Variants in ALCAM observed in about 807,000 individuals in gnomAD.
The protein encoded by ALCAM is CD166 antigen.
A neutral mutation model predicts 70.9 loss-of-function variants in ALCAM; 30 were observed. That is an observed-to-expected ratio of 0.42 (90% CI 0.32 to 0.57). The LOEUF is 0.57. Among genes scored for constraint, ALCAM ranks in the 20% least tolerant of loss-of-function variants. The pLI is 0.11. For missense variants in ALCAM, 591 were observed against 695.1 expected (o/e 0.85, Z 1.68); for synonymous variants, 249 against 242.5 (o/e 1.03, Z -0.25).
intron 1 of ALCAM, among the ~76,000 whole-genome samples, chr3:105,445,258 G>A (rs898459773): frequency 6.6e-6 from 1 of 152,064 alleles, no homozygotes. Context: ...GTTTAACCAA[G>A]GAGGTGAAAG....
At chr3:105,403,663 G>A (rs748450944) in intron 1 of ALCAM, among the ~76,000 whole-genome samples, 8 of 151,790 alleles carry the variant, frequency 5.3e-5, no homozygotes, top group South Asian at 2.1e-4. Context: ...CTGGTAATAC[G>A]ACAAAAGAGG....
At chr3:105,499,256 A>G (rs992738092) in intron 1 of ALCAM, among the ~76,000 whole-genome samples, 3 of 152,204 alleles carry the variant, frequency 2.0e-5, no homozygotes, top group Non-Finnish European at 4.4e-5. Flanking sequence ...AAATATACAT[A>G]TGTTTTATAT....
intron 1 of ALCAM, among the ~76,000 whole-genome samples, chr3:105,457,107 G>A (rs1937543790): frequency 6.6e-6 from 1 of 152,062 alleles, no homozygotes; most frequent in South Asian, 2.1e-4. Context: ...ATTTATTTAT[G>A]CTCTGCCTTA....
At chr3:105,441,296 T>C (rs1439731911) in intron 1 of ALCAM, among the ~76,000 whole-genome samples, 1 of 152,186 alleles carries the variant, frequency 6.6e-6, no homozygotes, top group African/African-American at 2.4e-5. Flanking sequence ...TTTAACTATG[T>C]TAACTAAATG....
At chr3:105,481,823 T>C (rs546812273) in intron 1 of ALCAM, among the ~76,000 whole-genome samples, 1 of 152,258 alleles carries the variant, frequency 6.6e-6, no homozygotes, top group African/African-American at 2.4e-5. Flanking sequence ...TATTTCCTAA[T>C]TTTTTCCTTA....
chr3:105,465,702 G>GT (rs1035288450), intron 1 of ALCAM, among the ~76,000 whole-genome samples: 1 of 151,096 alleles, frequency 6.6e-6, no homozygotes, highest in East Asian at 1.9e-4. Context: ...CCTCCTACTG[G>GT]TTTTTTTAAG....
chr3:105,398,037 G>A (rs1293569521), intron 1 of ALCAM, among the ~76,000 whole-genome samples: 4 of 152,152 alleles, frequency 2.6e-5, no homozygotes, highest in Non-Finnish European at 5.9e-5. Context: ...AAACTTGCAC[G>A]TGCCTCTCAA....
chr3:105,441,847 A>G (rs1198262431), intron 1 of ALCAM, among the ~76,000 whole-genome samples: 1 of 152,124 alleles, frequency 6.6e-6, no homozygotes, highest in Non-Finnish European at 1.5e-5. Context: ...AAGAATTTCA[A>G]CTCCACTTAA....
At chr3:105,423,683 A>G (rs1446939735) in intron 1 of ALCAM, among the ~76,000 whole-genome samples, 1 of 151,536 alleles carries the variant, frequency 6.6e-6, no homozygotes, top group African/African-American at 2.4e-5. Flanking sequence ...AAATTTATAC[A>G]CACACATCTG....
At chr3:105,527,875 TCCTAAAAGTCATTCAA>T (rs2152625529) in intron 3 of ALCAM, among the ~76,000 whole-genome samples, 1 of 149,472 alleles carries the variant, frequency 6.7e-6, no homozygotes, top group South Asian at 2.2e-4. Context: ...TTCACCCTCC[TCCTAAAAGTCATTCAA>T]CCTAAAAGTA....
At chr3:105,488,687 A>G (rs2152610125) in intron 1 of ALCAM, among the ~76,000 whole-genome samples, 2 of 144,336 alleles carry the variant, frequency 1.4e-5, no homozygotes, top group Middle Eastern at 6.8e-3. Context: ...GGGAAGGGGA[A>G]GGAAAGGAAA....
At chr3:105,507,697 G>A (rs1939120539) in intron 1 of ALCAM, among the ~76,000 whole-genome samples, 1 of 152,152 alleles carries the variant, frequency 6.6e-6, no homozygotes, top group Non-Finnish European at 1.5e-5. Context: ...AGTTTTAGAA[G>A]TTATAAGTAA....
At position 105,370,729 on chromosome 3, in the gene ALCAM, G is replaced by GA. The variant is rs984726054; in HGVS notation, c.73+3258dup. Among the ~76,000 whole-genome samples the GA allele has an allele frequency of 2.3e-3, 333 of 144,808 alleles. 2 individuals carry two copies. Among genetic ancestry groups the GA allele is most frequent in the Non-Finnish European group, 3.9e-3 (259 of 65,766 alleles). 95.0% of individuals were successfully genotyped at this position (144,808 alleles called of 152,430 possible). A position where few individuals can be genotyped will look rare whatever the true frequency, so the allele number is the denominator to read the frequency against. On this transcript the variant is annotated intron_variant, in intron 1 of 15. Transcript: ENST00000306107. Reference sequence around the variant, plus strand: ...GCTTACTCTTTCCAGCCTTAGTAGGGAAAAAAAAAAGCGTGAAGGAGAGAA... The same window carrying GA: ...GCTTACTCTTTCCAGCCTTAGTAGGGAAAAAAAAAAAGCGTGAAGGAGAGAA...
Position 105,575,254 on chromosome 3 carries a change from C to G in ALCAM, c.*803C>G, listed in dbSNP as rs1369416354. ...AAAAAACACAAGCATGTGTGAGAGA[C>G]AGTTTGGAAAAATCATGGTCAACAT... On this transcript the variant is annotated 3_prime_UTR_variant, in exon 16 of 16. Coordinates refer to ENST00000306107, the MANE Select transcript of ALCAM (RefSeq NM_001627.4). The G allele has an allele frequency of 1.3e-5, 2 of 152,538 alleles. No individual in the cohort carries two copies. Among genetic ancestry groups the G allele is most frequent in the Non-Finnish European group, 2.9e-5 (2 of 68,014 alleles). The allele number at this position is 152,538 out of a possible 1,614,324, so 9.4% of individuals were successfully genotyped here.
At chr3:105,467,942 G>T (rs1937796630) in intron 1 of ALCAM, among the ~76,000 whole-genome samples, 1 of 151,162 alleles carries the variant, frequency 6.6e-6, no homozygotes, top group Non-Finnish European at 1.5e-5. Context: ...GTTGACAACT[G>T]AAAATGGGAA....
intron 3 of ALCAM, 98 bp downstream of exon 3, chr3:105,524,606 A>G (rs1020951383): frequency 6.5e-7 from 1 of 1,536,416 alleles, no homozygotes; most frequent in Non-Finnish European, 8.8e-7. Context: ...TAGTGTCTCT[A>G]TAGCAGGTAT....
At chr3:105,562,669 G>T (rs1940650871) in intron 14 of ALCAM, among the ~76,000 whole-genome samples, 1 of 151,994 alleles carries the variant, frequency 6.6e-6, no homozygotes, top group African/African-American at 2.4e-5. Flanking sequence ...CAATAAAAGG[G>T]CCCCATCCTC....
chr3:105,532,113 G>GGTCAGAAGAAGGCACT, intron 4 of ALCAM, 47 bp downstream of exon 4: 1 of 1,506,874 alleles, frequency 6.6e-7, no homozygotes, highest in Non-Finnish European at 9.2e-7. Context: ...AGTGTTGTAA[G>GGTCAGAAGAAGGCACT]TGCCTTCTTC....
At chr3:105,482,151 C>T (rs1357937039) in intron 1 of ALCAM, among the ~76,000 whole-genome samples, 1 of 152,120 alleles carries the variant, frequency 6.6e-6, no homozygotes. Flanking sequence ...CTCACTCTGT[C>T]GCCCACGCTA....
Sources: gnomAD v4.1 joint callset for allele counts (sites outside exome capture counted in the v4.1 genomes callset) on GRCh38, gnomAD v4.1.1 for gene constraint, MANE v1.5 for transcripts, NCBI Gene and HGNC (gene_info 2026-07-23, HGNC 2026-07-21) for gene names.